MST1R: variants seen among roughly 807,000 people sequenced by gnomAD.
The protein encoded by MST1R is macrophage stimulating 1 receptor, also known as macrophage-stimulating protein receptor.
Under a neutral mutation model 117.8 loss-of-function variants are expected in MST1R, and 99 were observed. That is an observed-to-expected ratio of 0.84 (90% CI 0.71 to 0.99). MST1R has a LOEUF of 0.99. Among genes scored for constraint, MST1R ranks in the 50% least tolerant of loss-of-function variants. The probability of loss-of-function intolerance (pLI) is 0.00; values close to 1 mark genes in which losing one functional copy is unlikely to be tolerated. For synonymous variants in MST1R, 734 were observed against 765.3 expected (o/e 0.96, Z 0.68); for missense variants, 1,683 against 1,840.2 (o/e 0.91, Z 1.56).
chr3:49,898,392 A>T (rs2082553998), intron 4 of MST1R, 126 bp downstream of exon 4: 6 of 1,386,190 alleles, frequency 4.3e-6, no homozygotes, highest in Non-Finnish European at 5.9e-6. Context: ...TCTGACAAGA[A>T]TGCCCTCCTT....
At chr3:49,900,618 G>A (rs2082646339) in intron 1 of MST1R, among the ~76,000 whole-genome samples, 1 of 152,204 alleles carries the variant, frequency 6.6e-6, no homozygotes, top group South Asian at 2.1e-4. Context: ...GGTGGGGACT[G>A]GGATTTTGTC....
intron 19 of MST1R, among the ~76,000 whole-genome samples, chr3:49,889,381 C>T (rs1356880165): frequency 6.6e-6 from 1 of 152,206 alleles, no homozygotes; most frequent in Non-Finnish European, 1.5e-5. Context: ...TTACCTATGT[C>T]CTGGTTCTCT....
intron 4 of MST1R, 146 bp downstream of exon 4, chr3:49,898,372 T>G: frequency 7.5e-7 from 1 of 1,333,052 alleles, no homozygotes; most frequent in Non-Finnish European, 1.0e-6. Context: ...TCTTTGCATG[T>G]GGCATCCCCT....
At chr3:49,896,499 A>G (rs781474564) in intron 9 of MST1R, 41 bp downstream of exon 9, 1 of 1,611,256 alleles carries the variant, frequency 6.2e-7, no homozygotes, top group South Asian at 1.1e-5. Flanking sequence ...AGCTCAGGGA[A>G]CTCATCCAGC....
At position 49,903,452 on chromosome 3, in the gene MST1R, C is replaced by A. The variant is rs1303558294; in HGVS notation, c.158G>T (p.Gly53Val). ...GTAGGTCACCATGGCCTGTACCAGG[C>A]CTCCGGCGGAGAAGCTGGGCACCAC... ...KYVVPSFSAGGLVQAMVTYEG... is the reference protein window; with the variant it reads ...KYVVPSFSAGVLVQAMVTYEG... The change falls in exon 1 of 20, where the codon GGC becomes GTC. Residue 53 changes from glycine (G) to valine (V), a missense_variant. Physicochemically the swap from Gly to Val is moderately radical, Grantham distance 109 (BLOSUM62 -3). Coordinates refer to ENST00000296474, the MANE Select transcript of MST1R (RefSeq NM_002447.4). 1 of 1,613,558 alleles carries A rather than the reference C, an allele frequency of 6.2e-7. No homozygotes were observed. The highest frequency in any genetic ancestry group is 8.5e-7 in the Non-Finnish European group (1 of 1,180,004).
chr3:49,892,761 C>G (rs931430563), intron 14 of MST1R, among the ~76,000 whole-genome samples: 2 of 151,296 alleles, frequency 1.3e-5, no homozygotes, highest in African/African-American at 4.9e-5. Context: ...CAAGACCAGT[C>G]TGGCCAACAT....
At position 49,896,311 on chromosome 3, in the gene MST1R, G is replaced by A. The variant is rs750582514; in HGVS notation, c.2533C>T (p.Arg845Ter). 1.4e-5 allele frequency: 23 copies of A among 1,613,950 alleles called. No individual in the cohort carries two copies. The African/African-American group carries it at 1.5e-4, about 10-fold the overall frequency. ...QGWVAGNLSA[R>*]GDGAAGFTLP... Reference sequence around the variant, plus strand: ...GTAAAGCCAGCAGCTCCATCCCCTCGGGCACTCAGATTCCCTGCCACCCAT... The same window carrying A: ...GTAAAGCCAGCAGCTCCATCCCCTCAGGCACTCAGATTCCCTGCCACCCAT... Residue 845 changes from arginine (R) to a stop codon, truncating the protein, a stop_gained, in exon 10 of 20, where the codon CGA becomes TGA. Coordinates refer to ENST00000296474, the MANE Select transcript of MST1R (RefSeq NM_002447.4). LOFTEE classifies it high-confidence loss of function.
intron 14 of MST1R, 128 bp downstream of exon 14, chr3:49,895,039 C>G: frequency 1.1e-6 from 1 of 908,926 alleles, no homozygotes; most frequent in Non-Finnish European, 1.8e-6. Flanking sequence ...TCTCGATCTC[C>G]TGACCTCATG....
intron 1 of MST1R, among the ~76,000 whole-genome samples, chr3:49,901,234 T>C (rs957878439): frequency 3.3e-5 from 5 of 152,286 alleles, no homozygotes; most frequent in East Asian, 1.9e-4. Context: ...AACCTCACAT[T>C]GGGTGTAAGT....
chr3:49,899,210 C>G lies in MST1R; in HGVS notation c.1284G>C (p.Leu428=). ...PNTSCRHFPL[L]VSSSFSRVDL... is the part of the protein sequence containing the mutation. ...CCACACGTGAGAAGCTGCTACTGAC[C>G]AGCAGAGGGAAGTGGCGGCAGCTGG... Residue 428 remains leucine, a synonymous_variant, in exon 2 of 20, where the codon CTG becomes CTC. Transcript: ENST00000296474. The G allele has an allele frequency of 6.2e-7, 1 of 1,614,132 alleles. No homozygotes were observed. Among genetic ancestry groups the G allele is most frequent in the Non-Finnish European group, 8.5e-7 (1 of 1,180,026 alleles).
chr3:49,888,908 C>T (rs769075018), intron 19 of MST1R, among the ~76,000 whole-genome samples: 6 of 152,232 alleles, frequency 3.9e-5, no homozygotes, highest in Non-Finnish European at 7.3e-5. Flanking sequence ...CCTTTACTTT[C>T]CCAGTGGCTA....
intron 19 of MST1R, among the ~76,000 whole-genome samples, chr3:49,888,601 C>CAAA (rs146209932): frequency 4.6e-5 from 6 of 131,612 alleles, no homozygotes; most frequent in Non-Finnish European, 8.1e-5. Context: ...GACTCTGTCT[C>CAAA]AAAAAAAAAA....
At position 49,902,612 on chromosome 3, in the gene MST1R, A is replaced by C. The variant is rs1302533559; in HGVS notation, c.998T>G (p.Leu333Arg). The C allele has an allele frequency of 3.7e-6, 6 of 1,613,450 alleles. No homozygotes were observed. Among genetic ancestry groups the C allele is most frequent in the Non-Finnish European group, 5.1e-6 (6 of 1,180,036 alleles). ...CTCGGCGATGCTCAGCTCAGTGGCA[A>C]GTTGGGCACCCACTGGAGCGGAGTG... ...VAHSAPVGAQ[L>R]ATELSIAEGQ... Residue 333 changes from leucine to arginine, a missense_variant, in exon 1 of 20, where the codon CTT becomes CGT. Leu to Arg is a moderately radical substitution (Grantham distance 102, BLOSUM62 -2). Coordinates refer to ENST00000296474, the MANE Select transcript of MST1R (RefSeq NM_002447.4).
In MST1R at chr3:49,887,502, T is replaced by A. The variant is rs2082198418; in HGVS notation, c.4008A>T (p.Val1336=). ...ADPAVRPTFR[V]LVGEVEQIVS... ...CTATCTGCTCCACCTCCCCCACTAG[T>A]ACTCTGAAGGTGGGTCGCACTGCTG... Residue 1336 remains valine, a synonymous_variant, in exon 20 of 20, where the codon GTA becomes GTT. Coordinates refer to ENST00000296474, the MANE Select transcript of MST1R (RefSeq NM_002447.4). 1 of 1,614,182 alleles carries A rather than the reference T, an allele frequency of 6.2e-7. No individual in the cohort carries two copies. The highest frequency in any genetic ancestry group is 1.3e-5 in the African/African-American group (1 of 75,066).
Position 49,898,538 on chromosome 3 carries a change from A to T in MST1R, c.1699T>A (p.Cys567Ser). Residue 567 changes from cysteine to serine, a missense_variant, in exon 4 of 20, where the codon TGC (cysteine) becomes AGC (serine). By Grantham distance (112) the Cys-to-Ser change is moderately radical. Coordinates refer to ENST00000296474, the MANE Select transcript of MST1R (RefSeq NM_002447.4). Reference sequence around the variant, plus strand: ...CATACCTCAGTAAGCTTAGGTGGGCAGTGGTCCTGTTGCCAGGAGCCAGGA... The same window carrying T: ...CATACCTCAGTAAGCTTAGGTGGGCTGTGGTCCTGTTGCCAGGAGCCAGGA... ...ECPGSWQQDHCPPKLTEFHPH... is the reference protein window; with the variant it reads ...ECPGSWQQDHSPPKLTEFHPH... 2 of 1,613,930 alleles carry T rather than the reference A, an allele frequency of 1.2e-6. No individual in the cohort carries two copies. The highest frequency in any genetic ancestry group is 1.1e-5 in the South Asian group (1 of 91,082).
intron 15 of MST1R, 58 bp from the exon 16 acceptor site, chr3:49,891,638 G>T: frequency 6.2e-7 from 1 of 1,609,724 alleles, no homozygotes; most frequent in Non-Finnish European, 8.5e-7. Flanking sequence ...GGCTCAGATG[G>T]GGAAATGGGA....
rs553041032 is a variant in MST1R, at chr3:49,903,229, G to C, written c.381C>G (p.Pro127=). The change falls in exon 1 of 20, where the codon CCC becomes CCG. Residue 127 remains proline (P), a synonymous_variant. Transcript: ENST00000296474. ...CACAACTGACCAGCGCAGGCAGCGC[G>C]GGATCCAGCACCAGCACCTTTGTGT... ...DTDTKVLVLD[P]ALPALVSCGS... 6.2e-6 allele frequency: 10 copies of C among 1,607,506 alleles called. No homozygotes were observed. Among genetic ancestry groups the C allele is most frequent in the Non-Finnish European group, 8.5e-6 (10 of 1,179,978 alleles).
At chr3:49,892,501 T>C (rs1486558282) in intron 14 of MST1R, among the ~76,000 whole-genome samples, 2 of 151,354 alleles carry the variant, frequency 1.3e-5, no homozygotes, top group Non-Finnish European at 2.9e-5. Flanking sequence ...CACTCCAGCC[T>C]GAGAGACAGG....
chr3:49,903,683 C>A lies in MST1R; in HGVS notation c.-74G>T. 6.6e-7 allele frequency: 1 copy of A among 1,504,114 alleles called. No individual in the cohort carries two copies. The highest frequency in any genetic ancestry group is 8.8e-7 in the Non-Finnish European group (1 of 1,135,720). The allele number at this position is 1,504,114 out of a possible 1,614,324, so 93.2% of individuals were successfully genotyped here. On this transcript the variant is annotated 5_prime_UTR_variant, in exon 1 of 20. Transcript: ENST00000296474. ...CTGGGCGTGGGCCTGGCTGGGGGCC[C>A]GACTCGAGGTCTGGACTGGGCCAAA...
Sources: allele counts gnomAD v4.1 joint callset (sites outside exome capture counted in the v4.1 genomes callset), GRCh38; gene constraint gnomAD v4.1.1; transcripts MANE v1.5; gene names NCBI Gene and HGNC (gene_info 2026-07-23, HGNC 2026-07-21).